Variants in SLC14A2 observed in about 807,000 individuals in gnomAD.
SLC14A2 encodes urea transporter 2.
SLC14A2 carries 91 observed loss-of-function variants against 104.6 expected under a neutral mutation model. The observed-to-expected ratio is 0.87, with a 90% CI of 0.73 to 1.04. The LOEUF is 1.04. SLC14A2 is among the 50% of genes least tolerant of loss of function. SLC14A2 has a pLI of 0.00. For missense variants in SLC14A2, 1,189 were observed against 1,156.0 expected (o/e 1.03, Z -0.41); for synonymous variants, 476 against 466.4 (o/e 1.02, Z -0.27).
At chr18:45,210,019 C>G (rs1246335191), upstream of SLC14A2, among the ~76,000 whole-genome samples, 2 of 152,296 alleles carry the variant, frequency 1.3e-5, no homozygotes, top group Non-Finnish European at 2.9e-5. Context: ...CAGAAGTGTT[C>G]CTTCTCACCA....
intron 2 of SLC14A2, among the ~76,000 whole-genome samples, chr18:45,562,533 T>C (rs2044214854): frequency 6.6e-6 from 1 of 152,144 alleles, no homozygotes; most frequent in African/African-American, 2.4e-5. Context: ...CATGGAATGT[T>C]AGATGTCTTG....
intron 2 of SLC14A2, among the ~76,000 whole-genome samples, chr18:45,483,923 G>A (rs2087545522): frequency 6.6e-6 from 1 of 151,256 alleles, no homozygotes; most frequent in African/African-American, 2.4e-5. Context: ...GGCATCAGTG[G>A]GGGAGGAGGG....
chr18:45,509,907 C>G (rs1323061741), intron 2 of SLC14A2, among the ~76,000 whole-genome samples: 2 of 151,078 alleles, frequency 1.3e-5, no homozygotes, highest in Non-Finnish European at 2.9e-5. Context: ...CATGTTAGAA[C>G]CTGAGAGACC....
chr18:45,516,767 A>G (rs1186928578), intron 2 of SLC14A2, among the ~76,000 whole-genome samples: 1 of 152,180 alleles, frequency 6.6e-6, no homozygotes, highest in Non-Finnish European at 1.5e-5. Context: ...ATAAGTAAAG[A>G]TGGGAGAAGT....
chr18:45,335,082 A>G (rs561929346), intron 1 of SLC14A2, among the ~76,000 whole-genome samples: 1 of 152,176 alleles, frequency 6.6e-6, no homozygotes, highest in Admixed American at 6.5e-5. Flanking sequence ...GCAATTTGCT[A>G]CCATCACCAC....
At chr18:45,364,919 A>T (rs1214934079) in intron 1 of SLC14A2, among the ~76,000 whole-genome samples, 1 of 152,246 alleles carries the variant, frequency 6.6e-6, no homozygotes, top group East Asian at 1.9e-4. Context: ...CAGTGATCTG[A>T]AGCCCAGTTC....
chr18:45,271,726 A>G (rs527833845), intron 1 of SLC14A2, among the ~76,000 whole-genome samples: 6 of 152,288 alleles, frequency 3.9e-5, no homozygotes, highest in African/African-American at 1.4e-4. Context: ...CTTACTACCC[A>G]AAGCAATCTA....
intron 1 of SLC14A2, among the ~76,000 whole-genome samples, chr18:45,265,981 C>T (rs1406024136): frequency 2.0e-5 from 3 of 152,104 alleles, no homozygotes; most frequent in African/African-American, 4.8e-5. Flanking sequence ...TAAAGTATAT[C>T]GTAGGTTAAA....
chr18:45,218,100 T>C (rs2084027060), intron 1 of SLC14A2, among the ~76,000 whole-genome samples: 2 of 152,224 alleles, frequency 1.3e-5, no homozygotes, highest in South Asian at 4.1e-4. Flanking sequence ...CACATTGTTG[T>C]ACAGCCATTG....
chr18:45,300,940 G>C (rs2084962601), intron 1 of SLC14A2, among the ~76,000 whole-genome samples: 1 of 152,176 alleles, frequency 6.6e-6, no homozygotes, highest in African/African-American at 2.4e-5. Context: ...GAATATCTCT[G>C]CTATACCACA....
chr18:45,639,871 C>T lies in SLC14A2; in HGVS notation c.969C>T (p.Gly323=), dbSNP rs768192907. 2 of 1,613,604 alleles carry T rather than the reference C, an allele frequency of 1.2e-6. No individual in the cohort carries two copies. The highest frequency in any genetic ancestry group is 2.2e-5 in the East Asian group (1 of 44,860). The change falls in exon 7 of 20, where the codon GGC becomes GGT. Residue 323 remains glycine (G), a synonymous_variant. Transcript: ENST00000255226. The part of the protein sequence containing the change: ...SPLICLHAAI[G]SIVGLLAALS... The stretch of plus-strand genomic sequence containing the variant: ...TCATCTGCTTGCATGCAGCCATTGG[C>T]TCAATCGTGGGGCTGCTAGCAGGTA...
At chr18:45,190,509 G>A in the SLC14A2 span, among the ~76,000 whole-genome samples, 1 of 152,170 alleles carries the variant, frequency 6.6e-6, no homozygotes, top group South Asian at 2.1e-4. Flanking sequence ...CCTAGATGAT[G>A]AGTGTGAGCA....
At chr18:45,575,474 T>C (rs918088237) in intron 2 of SLC14A2, among the ~76,000 whole-genome samples, 8 of 152,182 alleles carry the variant, frequency 5.3e-5, no homozygotes, top group Admixed American at 2.0e-4. Flanking sequence ...TAGTTCATCC[T>C]TCACAGTCTC....
intron 2 of SLC14A2, among the ~76,000 whole-genome samples, chr18:45,519,854 C>A (rs1367116846): frequency 1.3e-5 from 2 of 152,170 alleles, no homozygotes; most frequent in African/African-American, 4.8e-5. Flanking sequence ...AAGGGGAGGT[C>A]TCTGAAGGAA....
At chr18:45,233,157 T>G (rs2084191616) in intron 1 of SLC14A2, among the ~76,000 whole-genome samples, 1 of 151,930 alleles carries the variant, frequency 6.6e-6, no homozygotes, top group African/African-American at 2.4e-5. Flanking sequence ...CATATCGGAG[T>G]GGTAGTGAGT....
At chr18:45,339,911 G>A (rs148202536) in intron 1 of SLC14A2, among the ~76,000 whole-genome samples, 338 of 152,338 alleles carry the variant, frequency 2.2e-3, no homozygotes, top group Middle Eastern at 0.017. Context: ...GGAAAACAAG[G>A]CATATGGTCA....
At chr18:45,252,998 G>A (rs1198717576) in intron 1 of SLC14A2, among the ~76,000 whole-genome samples, 1 of 152,102 alleles carries the variant, frequency 6.6e-6, no homozygotes, top group Non-Finnish European at 1.5e-5. Flanking sequence ...ATGTTGGGGT[G>A]CTCAGGAAAC....
the SLC14A2 span, among the ~76,000 whole-genome samples, chr18:45,180,847 G>A: frequency 6.6e-6 from 1 of 152,116 alleles, no homozygotes; most frequent in East Asian, 1.9e-4. Context: ...ATTTTGCATA[G>A]CAAAATAAGA....
intron 1 of SLC14A2, among the ~76,000 whole-genome samples, chr18:45,353,015 G>A (rs1037695428): frequency 2.0e-5 from 3 of 152,306 alleles, no homozygotes; most frequent in African/African-American, 7.2e-5. Flanking sequence ...GTTACAGGTT[G>A]GCCTTTGTTT....
Sources: allele counts gnomAD v4.1 joint callset (sites outside exome capture counted in the v4.1 genomes callset), GRCh38; gene constraint gnomAD v4.1.1; transcripts MANE v1.5; gene names NCBI Gene and HGNC (gene_info 2026-07-23, HGNC 2026-07-21).